Variants in CSF1R observed in about 807,000 individuals in gnomAD.
CSF1R encodes colony stimulating factor 1 receptor.
CSF1R carries 40 observed loss-of-function variants against 110.0 expected under a neutral mutation model. That is an observed-to-expected ratio of 0.36 (90% CI 0.28 to 0.47). The LOEUF (loss-of-function observed/expected upper bound fraction) is 0.47. Among genes scored for constraint, CSF1R ranks in the 20% least tolerant of loss-of-function variants. The pLI is 0.99. For missense variants in CSF1R, 1,052 were observed against 1,253.0 expected, an observed-to-expected ratio of 0.84 and a Z score of 2.42; for synonymous variants, 523 against 503.4, an observed-to-expected ratio of 1.04 and a Z score of -0.52.
intron 1 of CSF1R, among the ~76,000 whole-genome samples, chr5:150,100,658 C>G (rs906374707): frequency 4.6e-5 from 7 of 152,036 alleles, no homozygotes; most frequent in African/African-American, 1.7e-4. Flanking sequence ...CTTGGGAAAA[C>G]AGTTTAGCAT....
At chr5:150,057,204 TTCC>T in intron 16 of CSF1R, 80 bp downstream of exon 16, 2 of 1,221,948 alleles carry the variant, frequency 1.6e-6, no homozygotes, top group Non-Finnish European at 2.4e-6. Context: ...AGGCTCCCGT[TTCC>T]TCCTCCCCAT....
chr5:150,054,476 C>T (rs758027023), intron 19 of CSF1R, 46 bp from the exon 20 acceptor site: 1 of 1,527,192 alleles, frequency 6.5e-7, no homozygotes, highest in Non-Finnish European at 8.9e-7. Flanking sequence ...CCCTAGGGTC[C>T]AGGGGCCATT....
At position 150,053,832 on chromosome 5, in the gene CSF1R, G is replaced by C. The variant is rs942802030; in HGVS notation, c.*237C>G. 3.7e-6 allele frequency: 2 copies of C among 536,388 alleles called. No homozygotes were observed. Among genetic ancestry groups the C allele is most frequent in the African/African-American group, 4.5e-5 (2 of 44,188 alleles). 33.2% of individuals were successfully genotyped at this position (536,388 alleles called of 1,614,324 possible). On this transcript the variant is annotated 3_prime_UTR_variant, in exon 21 of 21. Coordinates refer to ENST00000675795, the MANE Select transcript of CSF1R (RefSeq NM_001288705.3). The stretch of plus-strand genomic sequence containing the variant: ...GAGGCCAACACCATGAGAACAGTAG[G>C]GGAGGGGGGGGTGAGGGCTCAGCCC...
chr5:150,092,498 T>C (rs1759077855), intron 1 of CSF1R, among the ~76,000 whole-genome samples: 1 of 152,138 alleles, frequency 6.6e-6, no homozygotes, highest in South Asian at 2.1e-4. Flanking sequence ...TACCCAAGAC[T>C]GGGTGATTTC....
intron 4 of CSF1R, 129 bp from the exon 5 acceptor site, chr5:150,077,564 TG>T (rs1408045770): frequency 1.2e-5 from 12 of 1,030,596 alleles, no homozygotes; most frequent in Non-Finnish European, 1.4e-5. Flanking sequence ...ACTTGTAAAA[TG>T]GGGCTAATAC....
chr5:150,109,346 G>C (rs1330907392), intron 1 of CSF1R, among the ~76,000 whole-genome samples: 1 of 152,140 alleles, frequency 6.6e-6, no homozygotes, highest in African/African-American at 2.4e-5. Flanking sequence ...ACACCATGAG[G>C]GACTGGGGCA....
In CSF1R at chr5:150,053,847, G is replaced by A. The variant is rs2113771637; in HGVS notation, c.*222C>T. 5.0e-6 allele frequency: 3 copies of A among 594,108 alleles called. No homozygotes were observed. The highest frequency in any genetic ancestry group is 3.0e-6 in the Non-Finnish European group (1 of 333,434). The allele number at this position is 594,108 out of a possible 1,614,324, so 36.8% of individuals were successfully genotyped here. A position where few individuals can be genotyped will look rare whatever the true frequency, so the allele number is the denominator to read the frequency against. On this transcript the variant is annotated 3_prime_UTR_variant, in exon 21 of 21. Transcript: ENST00000675795. ...AGAACAGTAGGGGAGGGGGGGGTGA[G>A]GGCTCAGCCCCCAGCCCCTGACTGG...
At chr5:150,089,758 A>G (rs78610896), upstream of CSF1R, among the ~76,000 whole-genome samples, 488 of 152,354 alleles carry the variant, frequency 3.2e-3, 4 homozygotes, top group African/African-American at 0.011. Flanking sequence ...TGGAGGAGTC[A>G]CACTTTTCAA....
rs372571886 is a variant in CSF1R at position 150,055,356 on chromosome 5, G to A, written c.2555-20C>T. 1.9e-6 allele frequency: 3 copies of A among 1,603,502 alleles called. No individual in the cohort carries two copies. The highest frequency in any genetic ancestry group is 2.6e-6 in the Non-Finnish European group (3 of 1,170,470). ...TCAGCCCTGCAAAGGCCAAGATCAG[G>A]TAAGAGGCCATGCCCATTGTCTTCT... On this transcript the variant is annotated intron_variant, in intron 18 of 20. Transcript: ENST00000675795.
intron 3 of CSF1R, among the ~76,000 whole-genome samples, chr5:150,078,467 C>G (rs937758943): frequency 9.2e-5 from 14 of 152,092 alleles, no homozygotes; most frequent in Admixed American, 8.5e-4. Flanking sequence ...CTCTACCCCT[C>G]CCCAGTCCCG....
rs138043825 is a variant in CSF1R, at chr5:150,109,064, C to CCCCT, written c.-181+4196_-181+4197insAGGG. On this transcript the variant is annotated intron_variant, in intron 1 of 21. Transcript: ENST00000286301. ...CCATCCCAAGGAGAAGCCCGCCCCC[C>CCCCT]CCCCACCACCCAAGAAATTCCAGGA... is the stretch of plus-strand genomic sequence containing the variant. 7.7e-5 allele frequency among the ~76,000 whole-genome samples: 10 copies of CCCCT among 130,522 alleles called. No individual in the cohort carries two copies. In the East Asian group the frequency reaches 1.7e-3, roughly 22 times the overall value. The allele number at this position is 130,522 out of a possible 152,430, so 85.6% of individuals were successfully genotyped here. A position where few individuals can be genotyped will look rare whatever the true frequency, so the allele number is the denominator to read the frequency against.
At chr5:150,075,343 GCCT>G (rs1157330981) in intron 5 of CSF1R, among the ~76,000 whole-genome samples, 1 of 152,136 alleles carries the variant, frequency 6.6e-6, no homozygotes, top group Non-Finnish European at 1.5e-5. Context: ...CACTGCGGTA[GCCT>G]CCTTTCATCT....
chr5:150,076,954 T>G, intron 5 of CSF1R: 2 of 382,272 alleles, frequency 5.2e-6, no homozygotes, highest in Non-Finnish European at 5.0e-6. Flanking sequence ...CATGTTTCCA[T>G]AAAGGAATGC....
intron 1 of CSF1R, among the ~76,000 whole-genome samples, chr5:150,102,981 C>A (rs1185249706): frequency 1.3e-5 from 2 of 152,200 alleles, no homozygotes; most frequent in Non-Finnish European, 2.9e-5. Context: ...GAAGGCTGAG[C>A]CATTTATTGT....
At chr5:150,055,458 C>T in intron 18 of CSF1R, 122 bp from the exon 19 acceptor site, 1 of 787,408 alleles carries the variant, frequency 1.3e-6, no homozygotes, top group Non-Finnish European at 2.1e-6. Flanking sequence ...ACAGCAGCTA[C>T]TCTTACCCGG....
At chr5:150,112,601 T>C (rs373397439) in intron 1 of CSF1R, among the ~76,000 whole-genome samples, 16 of 152,346 alleles carry the variant, frequency 1.1e-4, no homozygotes, top group African/African-American at 3.8e-4. Flanking sequence ...GTTATTTTCT[T>C]TACAAGGCAG....
At chr5:150,106,520 A>T (rs1241911832) in intron 1 of CSF1R, among the ~76,000 whole-genome samples, 5 of 152,136 alleles carry the variant, frequency 3.3e-5, no homozygotes, top group Admixed American at 3.3e-4. Context: ...AGACAGAATA[A>T]TGGCAATTTG....
At chr5:150,109,058 G>GCCCCCCCCCCCCCCCC (rs60014782) in intron 1 of CSF1R, among the ~76,000 whole-genome samples, 14 of 119,732 alleles carry the variant, frequency 1.2e-4, no homozygotes, top group South Asian at 5.0e-4. Flanking sequence ...GGAGAAGCCC[G>GCCCCCCCCCCCCCCCC]CCCCCCCCCC....
intron 1 of CSF1R, among the ~76,000 whole-genome samples, chr5:150,105,933 C>T (rs1480930976): frequency 6.6e-6 from 1 of 152,206 alleles, no homozygotes; most frequent in South Asian, 2.1e-4. Context: ...CTATTAATTA[C>T]GCCATTTTGC....
Sources: gnomAD v4.1 joint callset for allele counts (sites outside exome capture counted in the v4.1 genomes callset) on GRCh38, gnomAD v4.1.1 for gene constraint, MANE v1.5 for transcripts, NCBI Gene and HGNC (gene_info 2026-07-23, HGNC 2026-07-21) for gene names.